Variants in MAGT1 observed in about 807,000 individuals in gnomAD.
MAGT1 encodes the protein dolichyl-diphosphooligosaccharide--protein glycosyltransferase subunit MAGT1.
MAGT1 carries 4 observed loss-of-function variants against 28.4 expected under a neutral mutation model. That is an observed-to-expected ratio of 0.14 (90% CI 0.07 to 0.32). The LOEUF is 0.32. Ranked by LOEUF, MAGT1 falls within the 10% of genes least tolerant of loss-of-function variation. The probability of loss-of-function intolerance (pLI) is 1.00; values close to 1 mark genes in which losing one functional copy is unlikely to be tolerated. For synonymous variants in MAGT1, 89 were observed against 89.7 expected, an observed-to-expected ratio of 0.99 and a Z score of 0.04; for missense variants, 193 against 264.5, an observed-to-expected ratio of 0.73 and a Z score of 1.88.
upstream of MAGT1, chrX:77,895,562 G>A: frequency 2.0e-6 from 2 of 1,025,596 alleles, no homozygotes; most frequent in Non-Finnish European, 1.3e-6. Flanking sequence ...GCGCGCTGGC[G>A]CTACACGCCC....
intron 7 of MAGT1, among the ~76,000 whole-genome samples, chrX:77,843,391 G>A (rs916285586): frequency 8.1e-5 from 9 of 110,832 alleles, no homozygotes; most frequent in South Asian, 3.8e-4. Context: ...TGCATACCAC[G>A]CCACGTTCGT....
intron 8 of MAGT1, among the ~76,000 whole-genome samples, chrX:77,838,292 A>G (rs1179002393): frequency 3.6e-5 from 4 of 109,988 alleles, no homozygotes; most frequent in African/African-American, 1.3e-4. Flanking sequence ...CCATCTCTAC[A>G]AAAAATAAAA....
intron 3 of MAGT1, 95 bp from the exon 4 acceptor site, chrX:77,857,592 G>A: frequency 9.6e-7 from 1 of 1,042,438 alleles, no homozygotes; most frequent in Non-Finnish European, 1.3e-6. Context: ...CAAAGATGAG[G>A]AGGCCTGGGT....
chrX:77,841,123 G>T (rs782105908), intron 8 of MAGT1, 123 bp downstream of exon 8: 2 of 484,368 alleles, frequency 4.1e-6, no homozygotes, highest in Admixed American at 8.1e-5. Context: ...GACATTTAAA[G>T]AAAAAAATAG....
At chrX:77,846,458 T>A (rs1557214938) in intron 7 of MAGT1, among the ~76,000 whole-genome samples, 1 of 112,310 alleles carries the variant, frequency 8.9e-6, no homozygotes, top group Non-Finnish European at 1.9e-5. Flanking sequence ...CTGTCCAGGT[T>A]TGTTTCTTTG....
At chrX:77,855,856 C>T (rs1195904227) in intron 5 of MAGT1, among the ~76,000 whole-genome samples, 3 of 109,343 alleles carry the variant, frequency 2.7e-5, no homozygotes, top group East Asian at 2.9e-4. Context: ...CTGCAACCTC[C>T]GCCTCCCAGG....
intron 7 of MAGT1, among the ~76,000 whole-genome samples, chrX:77,847,527 C>T (rs971021734): frequency 2.7e-5 from 3 of 111,762 alleles, no homozygotes; most frequent in Non-Finnish European, 5.6e-5. Context: ...GTGTTGCTCA[C>T]GCTGGGAGCT....
At chrX:77,857,976 A>G (rs1603361857) in intron 3 of MAGT1, among the ~76,000 whole-genome samples, 1 of 111,859 alleles carries the variant, frequency 8.9e-6, no homozygotes, top group African/African-American at 3.2e-5. Flanking sequence ...AAGAAGGTCC[A>G]TAAATGTTTA....
rs150310078 is a variant in MAGT1, at chrX:77,895,379, G to C, written c.32C>G (p.Ser11Cys). The C allele has an allele frequency of 6.2e-5, 75 of 1,210,733 alleles. No individual in the cohort carries two copies. Among genetic ancestry groups the C allele is most frequent in the Middle Eastern group, 2.3e-4 (1 of 4,376 alleles). Residue 11 changes from serine (S) to cysteine (C), a missense_variant, in exon 1 of 10, where the codon TCT (serine) becomes TGT (cysteine). Coordinates refer to ENST00000618282, the MANE Select transcript of MAGT1 (RefSeq NM_001367916.1). The stretch of plus-strand genomic sequence containing the variant: ...GAGCAGCGCCACCACCATGGTCACA[G>C]AGACACACCAAAACCGCCAACGCGC... MAARWRFWCV[S>C]VTMVVALLIV...
At chrX:77,864,895 A>G (rs1379209138) in intron 3 of MAGT1, among the ~76,000 whole-genome samples, 1 of 111,163 alleles carries the variant, frequency 9.0e-6, no homozygotes, top group Non-Finnish European at 1.9e-5. Flanking sequence ...TATTTTTAGT[A>G]GAGATGGGAT....
intron 7 of MAGT1, among the ~76,000 whole-genome samples, chrX:77,845,162 C>T (rs1185926777): frequency 9.0e-6 from 1 of 111,585 alleles, no homozygotes; most frequent in African/African-American, 3.3e-5. Context: ...GGATAGTTAG[C>T]TCTTCTTGTT....
intron 3 of MAGT1, among the ~76,000 whole-genome samples, chrX:77,864,430 T>C (rs781925209): frequency 8.1e-5 from 9 of 111,240 alleles, no homozygotes; most frequent in African/African-American, 2.6e-4. Context: ...AGAGAGGACT[T>C]GAAATGTTCC....
At chrX:77,846,120 C>T (rs1190562472) in intron 7 of MAGT1, among the ~76,000 whole-genome samples, 2 of 111,447 alleles carry the variant, frequency 1.8e-5, no homozygotes, top group Non-Finnish European at 3.8e-5. Context: ...TTCTTGGAGG[C>T]TTTGTTCGTT....
At chrX:77,847,684 C>A (rs940127491) in intron 7 of MAGT1, among the ~76,000 whole-genome samples, 13 of 103,754 alleles carry the variant, frequency 1.3e-4, no homozygotes, top group African/African-American at 3.2e-4. Context: ...CATCTTGACT[C>A]ACTGCAACCT....
chrX:77,859,069 G>A (rs1557216247), intron 3 of MAGT1, among the ~76,000 whole-genome samples: 2 of 110,515 alleles, frequency 1.8e-5, no homozygotes, highest in Non-Finnish European at 3.8e-5. Flanking sequence ...TTAGCTGGGC[G>A]TGACGGTGGG....
chrX:77,889,361 C>CATAT (rs201957924), intron 1 of MAGT1, among the ~76,000 whole-genome samples: 1 of 98,940 alleles, frequency 1.0e-5, no homozygotes, highest in African/African-American at 3.7e-5. Context: ...TATATATGTA[C>CATAT]ATATATATAT....
chrX:77,834,186 A>G (rs2076906853), intron 8 of MAGT1, among the ~76,000 whole-genome samples: 1 of 101,742 alleles, frequency 9.8e-6, no homozygotes, highest in Non-Finnish European at 2.0e-5. Flanking sequence ...ATATGCATAT[A>G]TGTATATATA....
chrX:77,863,518 A>G (rs1557216621), intron 3 of MAGT1, among the ~76,000 whole-genome samples: 3 of 110,643 alleles, frequency 2.7e-5, no homozygotes, highest in Admixed American at 1.9e-4. Context: ...CTCAAAAAAA[A>G]AAAAAAAGAA....
chrX:77,844,689 A>G (rs1291027204), intron 7 of MAGT1, among the ~76,000 whole-genome samples: 4 of 111,108 alleles, frequency 3.6e-5, no homozygotes, highest in Non-Finnish European at 5.7e-5. Context: ...TTCTGCCTTC[A>G]TTTTGTTATG....
Sources: gnomAD v4.1 joint callset for allele counts (sites outside exome capture counted in the v4.1 genomes callset) on GRCh38, gnomAD v4.1.1 for gene constraint, MANE v1.5 for transcripts, NCBI Gene and HGNC (gene_info 2026-07-23, HGNC 2026-07-21) for gene names.